The following TCF12 variants were observed in gnomAD, a reference collection of about 807,000 sequenced individuals.
TCF12 encodes transcription factor 12.
Under a neutral mutation model 86.0 loss-of-function variants are expected in TCF12, and 45 were observed. The observed-to-expected ratio is 0.52, with a 90% CI of 0.41 to 0.67. The LOEUF (loss-of-function observed/expected upper bound fraction) is 0.67. Among genes scored for constraint, TCF12 ranks in the 30% least tolerant of loss-of-function variants. The pLI, the probability that TCF12 is intolerant of heterozygous loss-of-function variation, is 0.00. For missense variants in TCF12, 881 were observed against 859.9 expected, an observed-to-expected ratio of 1.02 and a Z score of -0.31; for synonymous variants, 330 against 299.6, an observed-to-expected ratio of 1.10 and a Z score of -1.05.
At chr15:56,956,499 G>A (rs1443265732) in intron 3 of TCF12, among the ~76,000 whole-genome samples, 1 of 151,732 alleles carries the variant, frequency 6.6e-6, no homozygotes, top group African/African-American at 2.4e-5. Context: ...TTATCTTTCT[G>A]TAGATTCATA....
At chr15:57,235,202 C>T (rs1870869) in intron 12 of TCF12, among the ~76,000 whole-genome samples, 152,058 of 152,298 alleles carry the variant, frequency 1, 75,911 homozygotes, top group East Asian at 1. Flanking sequence ...ATAGTAATGA[C>T]AATAACAAAA....
chr15:57,138,941 A>G (rs1449847701), intron 5 of TCF12, among the ~76,000 whole-genome samples: 2 of 152,242 alleles, frequency 1.3e-5, no homozygotes, highest in Non-Finnish European at 2.9e-5. Flanking sequence ...AAGTGAATAT[A>G]TGATTAAATT....
At chr15:56,971,267 C>G (rs1168433585) in intron 3 of TCF12, among the ~76,000 whole-genome samples, 1 of 142,128 alleles carries the variant, frequency 7.0e-6, no homozygotes, top group Non-Finnish European at 1.6e-5. Flanking sequence ...CCACTAAAAA[C>G]AAAAAAAAAA....
intron 19 of TCF12, among the ~76,000 whole-genome samples, chr15:57,276,329 C>G (rs1401838900): frequency 6.6e-6 from 1 of 152,188 alleles, no homozygotes; most frequent in Non-Finnish European, 1.5e-5. Context: ...ATGTGGTAGA[C>G]TTAGCATATG....
chr15:57,272,675 A>G (rs1279401262), intron 18 of TCF12, among the ~76,000 whole-genome samples: 1 of 152,234 alleles, frequency 6.6e-6, no homozygotes, highest in Non-Finnish European at 1.5e-5. Flanking sequence ...ACAAGCTCCC[A>G]GTAATGCTGA....
At chr15:57,233,454 A>C (rs1188249898) in intron 11 of TCF12, among the ~76,000 whole-genome samples, 1 of 152,154 alleles carries the variant, frequency 6.6e-6, no homozygotes, top group East Asian at 1.9e-4. Flanking sequence ...CTAGCATTAT[A>C]GACATGACCC....
In TCF12 at chr15:57,289,639, C is replaced by A. The variant is rs554742653; in HGVS notation, c.*3494C>A. 6.6e-6 allele frequency: 1 copy of A among 151,402 alleles called. No homozygotes were observed. Among genetic ancestry groups the A allele is most frequent in the Non-Finnish European group, 1.5e-5 (1 of 67,868 alleles). 9.4% of individuals were successfully genotyped at this position (151,402 alleles called of 1,614,324 possible). A position where few individuals can be genotyped will look rare whatever the true frequency, so the allele number is the denominator to read the frequency against. ...TGTGTGTGTGTCTGTGTGTGTGTGA[C>A]TTAAAGAATCTTAAGCTTTGGCATT... On this transcript the variant is annotated 3_prime_UTR_variant, in exon 21 of 21. Coordinates refer to ENST00000333725, the MANE Select transcript of TCF12 (RefSeq NM_207037.2).
At chr15:57,140,976 A>T (rs1299692894) in intron 5 of TCF12, among the ~76,000 whole-genome samples, 1 of 152,110 alleles carries the variant, frequency 6.6e-6, no homozygotes, top group Non-Finnish European at 1.5e-5. Flanking sequence ...CAAGGTACTT[A>T]TCTAATCTTT....
intron 3 of TCF12, among the ~76,000 whole-genome samples, chr15:57,048,789 A>G (rs566633179): frequency 3.3e-5 from 5 of 152,196 alleles, no homozygotes; most frequent in Non-Finnish European, 7.4e-5. Context: ...AATATTGGGA[A>G]AAATTTATAT....
intron 20 of TCF12, among the ~76,000 whole-genome samples, chr15:57,284,291 C>T (rs1275882372): frequency 1.3e-5 from 2 of 151,990 alleles, no homozygotes; most frequent in Non-Finnish European, 2.9e-5. Flanking sequence ...CACTCCAACT[C>T]CCGCCTCCTG....
At chr15:57,142,564 G>C (rs1405410955) in intron 5 of TCF12, among the ~76,000 whole-genome samples, 3 of 152,180 alleles carry the variant, frequency 2.0e-5, no homozygotes, top group South Asian at 2.1e-4. Flanking sequence ...TTTGAATAAA[G>C]TAGGAAACTA....
intron 3 of TCF12, among the ~76,000 whole-genome samples, chr15:57,049,895 ATTTTGTGCCTTTG>A (rs2067494438): frequency 6.6e-6 from 1 of 152,088 alleles, no homozygotes; most frequent in Non-Finnish European, 1.5e-5. Context: ...GCCATTAATT[ATTTTGTGCCTTTG>A]TTTTGCCCTT....
chr15:57,197,581 C>CT (rs1212879152), intron 7 of TCF12, among the ~76,000 whole-genome samples, 192 bp from the exon 8 acceptor site: 2 of 152,102 alleles, frequency 1.3e-5, no homozygotes, highest in Admixed American at 6.6e-5. Context: ...GAATGTATCA[C>CT]TTTTTTAGGA....
intron 3 of TCF12, among the ~76,000 whole-genome samples, chr15:56,938,102 A>T: frequency 1.5e-5 from 1 of 66,624 alleles, no homozygotes; most frequent in Non-Finnish European, 3.0e-5. Flanking sequence ...TTTTGCATCT[A>T]TGTTCATCAG....
intron 3 of TCF12, among the ~76,000 whole-genome samples, chr15:57,032,432 C>T (rs1031745229): frequency 2.0e-5 from 3 of 152,082 alleles, no homozygotes; most frequent in Non-Finnish European, 2.9e-5. Flanking sequence ...TTTTTTGTGT[C>T]GTTTCGGCTT....
intron 5 of TCF12, among the ~76,000 whole-genome samples, chr15:57,127,986 T>G (rs534132602): frequency 1.8e-4 from 28 of 152,292 alleles, no homozygotes; most frequent in Non-Finnish European, 3.8e-4. Context: ...GTAATGTTCT[T>G]TTTTAAAAAG....
At chr15:56,997,172 C>G (rs553633348) in intron 3 of TCF12, among the ~76,000 whole-genome samples, 1 of 152,152 alleles carries the variant, frequency 6.6e-6, no homozygotes, top group African/African-American at 2.4e-5. Flanking sequence ...ACACATATAC[C>G]CGTATGTCCA....
At chr15:57,284,505 C>A (rs568031630) in intron 20 of TCF12, among the ~76,000 whole-genome samples, 1 of 152,140 alleles carries the variant, frequency 6.6e-6, no homozygotes, top group Non-Finnish European at 1.5e-5. Flanking sequence ...CCGCTGAGCC[C>A]GGCCAAAAAA....
chr15:57,035,441 T>A (rs1381132357), intron 3 of TCF12, among the ~76,000 whole-genome samples: 1 of 152,086 alleles, frequency 6.6e-6, no homozygotes, highest in African/African-American at 2.4e-5. Flanking sequence ...TTTTTTAAAA[T>A]TTTTTTGTAG....
Sources: allele counts gnomAD v4.1 joint callset (sites outside exome capture counted in the v4.1 genomes callset), GRCh38; gene constraint gnomAD v4.1.1; transcripts MANE v1.5; gene names NCBI Gene and HGNC (gene_info 2026-07-23, HGNC 2026-07-21).